Variants in SLIT3 observed in about 807,000 individuals in gnomAD.
SLIT3 encodes slit homolog 3 protein.
In SLIT3, 68 loss-of-function variants were observed where a neutral mutation model predicts 184.0. The ratio of observed to expected loss-of-function variants is 0.37; its 90% CI spans 0.30 to 0.45. SLIT3 has a LOEUF of 0.45. Ranked by LOEUF, SLIT3 falls within the 20% of genes least tolerant of loss-of-function variation. The pLI is 1.00. For synonymous variants in SLIT3, 831 were observed against 828.6 expected (o/e 1.00, Z -0.05); for missense variants, 1,707 against 2,026.0 (o/e 0.84, Z 3.02).
At chr5:169,271,978 G>A (rs1352235073) in intron 1 of SLIT3, among the ~76,000 whole-genome samples, 1 of 152,220 alleles carries the variant, frequency 6.6e-6, no homozygotes, top group Non-Finnish European at 1.5e-5. Flanking sequence ...AAGCAGGCAA[G>A]TGGGTACAGA....
At position 168,699,070 on chromosome 5, in the gene SLIT3, CG is replaced by C. The variant is rs201973030; in HGVS notation, c.2942+1511del. Among the ~76,000 whole-genome samples, 642 of 152,300 alleles carry C rather than the reference CG, an allele frequency of 4.2e-3. 4 individuals are homozygous for C. The highest frequency in any genetic ancestry group is 0.015 in the African/African-American group (608 of 41,568). On this transcript the variant is annotated intron_variant, in intron 27 of 35. Coordinates refer to ENST00000519560, the MANE Select transcript of SLIT3 (RefSeq NM_003062.4). Reference sequence around the variant, plus strand: ...GAGGGGTGTTTCCTGGCTGGGGCCCCGTGGCCACCTCCATGTTTCCCTGCAG... The same window carrying C: ...GAGGGGTGTTTCCTGGCTGGGGCCCCTGGCCACCTCCATGTTTCCCTGCAG...
At chr5:169,053,092 G>A (rs1013414557) in intron 4 of SLIT3, among the ~76,000 whole-genome samples, 4 of 152,252 alleles carry the variant, frequency 2.6e-5, no homozygotes, top group Non-Finnish European at 5.9e-5. Flanking sequence ...AGGGTCTGCT[G>A]CTTCCTGCGC....
At chr5:168,806,721 C>T (rs1756976620) in intron 8 of SLIT3, 134 bp from the exon 9 acceptor site, 3 of 994,656 alleles carry the variant, frequency 3.0e-6, no homozygotes, top group Non-Finnish European at 3.0e-6. Context: ...GCTGACATCT[C>T]CCTTCACCTG....
intron 1 of SLIT3, among the ~76,000 whole-genome samples, chr5:169,283,640 G>T (rs1434326862): frequency 6.6e-6 from 1 of 152,200 alleles, no homozygotes; most frequent in Admixed American, 6.5e-5. Flanking sequence ...TACTACAATG[G>T]AGGGGACTGA....
chr5:168,954,626 G>A (rs1762760808), intron 4 of SLIT3, among the ~76,000 whole-genome samples: 1 of 152,206 alleles, frequency 6.6e-6, no homozygotes, highest in Non-Finnish European at 1.5e-5. Flanking sequence ...AAGAAAGGAT[G>A]TAGCCTTTCC....
intron 11 of SLIT3, among the ~76,000 whole-genome samples, chr5:168,788,124 C>T (rs1305375721): frequency 6.6e-6 from 1 of 151,988 alleles, no homozygotes; most frequent in African/African-American, 2.4e-5. Context: ...AGACTGTCTC[C>T]AAATCCTGGC....
intron 6 of SLIT3, among the ~76,000 whole-genome samples, chr5:168,837,719 A>G (rs1337434081): frequency 6.6e-6 from 1 of 152,226 alleles, no homozygotes; most frequent in Non-Finnish European, 1.5e-5. Context: ...GCAGAGAAAC[A>G]GTACAGAAGT....
chr5:168,838,839 A>G (rs1758146004), intron 6 of SLIT3, among the ~76,000 whole-genome samples: 1 of 152,120 alleles, frequency 6.6e-6, no homozygotes, highest in South Asian at 2.1e-4. Flanking sequence ...CTGAATTAGA[A>G]CTACCCTAAA....
chr5:168,842,598 C>T (rs944391261), intron 6 of SLIT3, among the ~76,000 whole-genome samples: 1 of 151,576 alleles, frequency 6.6e-6, no homozygotes, highest in Admixed American at 6.6e-5. Flanking sequence ...GTTATGAGAG[C>T]CCCTCCTATG....
At chr5:169,261,825 G>C (rs762054745) in intron 1 of SLIT3, among the ~76,000 whole-genome samples, 25 of 152,172 alleles carry the variant, frequency 1.6e-4, no homozygotes, top group Non-Finnish European at 2.4e-4. Flanking sequence ...TCACCTTTGT[G>C]ACATGTTACA....
intron 1 of SLIT3, among the ~76,000 whole-genome samples, chr5:169,286,943 A>C (rs1481697906): frequency 1.3e-5 from 2 of 152,204 alleles, no homozygotes; most frequent in Non-Finnish European, 1.5e-5. Context: ...TTGAATCAGC[A>C]TGCAGCTCCA....
chr5:169,030,060 C>T (rs753701771), intron 4 of SLIT3, among the ~76,000 whole-genome samples: 3 of 152,180 alleles, frequency 2.0e-5, no homozygotes. Flanking sequence ...TGGGTCCTGC[C>T]AGCCCCTTGG....
chr5:168,943,413 CA>C (rs1295469308), intron 4 of SLIT3, among the ~76,000 whole-genome samples: 1 of 152,194 alleles, frequency 6.6e-6, no homozygotes, highest in African/African-American at 2.4e-5. Flanking sequence ...TCCAAATAGT[CA>C]ACTGCCATGA....
intron 4 of SLIT3, among the ~76,000 whole-genome samples, chr5:169,008,659 T>TG (rs1756025574): frequency 6.6e-6 from 1 of 151,950 alleles, no homozygotes; most frequent in South Asian, 2.1e-4. Flanking sequence ...CTGTTGTTGT[T>TG]TTTTTTTAAC....
intron 4 of SLIT3, among the ~76,000 whole-genome samples, chr5:168,886,055 C>G (rs1419308306): frequency 6.6e-6 from 1 of 152,218 alleles, no homozygotes; most frequent in Non-Finnish European, 1.5e-5. Flanking sequence ...TGAAACACAG[C>G]TTTCTTCCCA....
chr5:169,142,493 A>C (rs1581453242), intron 4 of SLIT3, among the ~76,000 whole-genome samples: 2 of 152,180 alleles, frequency 1.3e-5, no homozygotes, highest in Non-Finnish European at 2.9e-5. Flanking sequence ...CAGCCCAGAG[A>C]CACAGTGAAA....
rs376715632 is a variant in SLIT3, at chr5:168,944,711, A to G, written c.414-61375T>C. 5.3e-5 allele frequency among the ~76,000 whole-genome samples: 8 copies of G among 152,300 alleles called. No homozygotes were observed. In the East Asian group the frequency reaches 1.2e-3, roughly 22 times the overall value. ...TAAAAACAGAAAATTCAACTGTATA[A>G]CAAAACTAAAAGGGTACCTTCCACC... On this transcript the variant is annotated intron_variant, in intron 4 of 35. Coordinates refer to ENST00000519560, the MANE Select transcript of SLIT3 (RefSeq NM_003062.4).
chr5:169,025,243 T>G (rs1756770865), intron 4 of SLIT3, among the ~76,000 whole-genome samples: 1 of 152,174 alleles, frequency 6.6e-6, no homozygotes, highest in Non-Finnish European at 1.5e-5. Context: ...GACACTATTA[T>G]TCAAGGAAGG....
chr5:168,749,374 T>C (rs1754615534), intron 19 of SLIT3, 98 bp downstream of exon 19: 2 of 1,413,270 alleles, frequency 1.4e-6, no homozygotes, highest in African/African-American at 2.8e-5. Flanking sequence ...CAAAGCAAAG[T>C]GGAATTGGAT....
Sources: allele counts gnomAD v4.1 joint callset (sites outside exome capture counted in the v4.1 genomes callset), GRCh38; gene constraint gnomAD v4.1.1; transcripts MANE v1.5; gene names NCBI Gene and HGNC (gene_info 2026-07-23, HGNC 2026-07-21).